Variants in AMBP observed in about 807,000 individuals in gnomAD.
AMBP encodes the protein protein AMBP.
AMBP carries 37 observed loss-of-function variants against 46.3 expected under a neutral mutation model. That is an observed-to-expected ratio of 0.80 (90% CI 0.61 to 1.05). The LOEUF (loss-of-function observed/expected upper bound fraction) is 1.05, where lower values mean the gene tolerates loss of function less well. AMBP is among the 50% of genes least tolerant of loss of function. The pLI, the probability that AMBP is intolerant of heterozygous loss-of-function variation, is 0.00. For missense variants in AMBP, 475 were observed against 461.2 expected (o/e 1.03, Z -0.27); for synonymous variants, 174 against 175.9 (o/e 0.99, Z 0.09).
At chr9:114,076,331 G>A (rs1846806462) in intron 2 of AMBP, among the ~76,000 whole-genome samples, 1 of 152,002 alleles carries the variant, frequency 6.6e-6, no homozygotes, top group African/African-American at 2.4e-5. Context: ...GGGTCCCTGG[G>A]GGGCTGAAGT....
intron 6 of AMBP, among the ~76,000 whole-genome samples, chr9:114,065,829 G>A (rs567178692): frequency 1.3e-4 from 20 of 152,218 alleles, no homozygotes; most frequent in Non-Finnish European, 2.6e-4. Flanking sequence ...TAAAGCTGAC[G>A]AAGAAGAAGC....
At chr9:114,069,807 C>T in intron 5 of AMBP, 62 bp from the exon 6 acceptor site, 1 of 1,559,704 alleles carries the variant, frequency 6.4e-7, no homozygotes, top group Non-Finnish European at 8.8e-7. Context: ...CCATCCTAGA[C>T]CCGGATTTGT....
At chr9:114,069,859 TC>T in intron 5 of AMBP, 114 bp from the exon 6 acceptor site, 1 of 1,093,598 alleles carries the variant, frequency 9.1e-7, no homozygotes, top group Non-Finnish European at 1.4e-6. Context: ...CGTGCCTTAG[TC>T]CACTTCATGA....
rs765225384 is a variant in AMBP, at chr9:114,069,707, A to G, written c.595T>C (p.Leu199=). The G allele has an allele frequency of 6.2e-7, 1 of 1,613,610 alleles. No individual in the cohort carries two copies. Among genetic ancestry groups the G allele is most frequent in the Non-Finnish European group, 8.5e-7 (1 of 1,179,982 alleles). Residue 199 remains leucine (L), a synonymous_variant, in exon 6 of 10, where the codon TTA becomes CTA. Transcript: ENST00000265132. ...VPGEQEPEPI[L]IPRVRRAVLP... ...GGGGATGAGGCACTCACCGGGATTA[A>G]GATGGGCTCTGGTTCCTGCTCCCCA...
intron 6 of AMBP, 106 bp from the exon 7 acceptor site, chr9:114,062,864 A>G (rs936221574): frequency 5.4e-6 from 6 of 1,120,834 alleles, no homozygotes; most frequent in Non-Finnish European, 8.1e-6. Context: ...GAATCAGGGT[A>G]GGTAGGAACA....
intron 5 of AMBP, among the ~76,000 whole-genome samples, chr9:114,071,997 G>T (rs575633908): frequency 6.6e-6 from 1 of 152,226 alleles, no homozygotes; most frequent in East Asian, 1.9e-4. Context: ...CCTTCATCTC[G>T]CTCACCCTAC....
chr9:114,075,723 G>A (rs1846799245), intron 2 of AMBP, among the ~76,000 whole-genome samples: 1 of 152,170 alleles, frequency 6.6e-6, no homozygotes, highest in Admixed American at 6.5e-5. Context: ...TACCACATGG[G>A]GGTAAGTGTG....
At chr9:114,061,697 T>TG in intron 7 of AMBP, 106 bp from the exon 8 acceptor site, 1 of 1,327,126 alleles carries the variant, frequency 7.5e-7, no homozygotes, top group Non-Finnish European at 1.0e-6. Context: ...CTAAAAGGAT[T>TG]ATCAATTCTT....
At position 114,074,058 on chromosome 9, in the gene AMBP, G is replaced by A; in HGVS notation, c.432C>T (p.Pro144=). The change falls in exon 4 of 10, where the codon CCC becomes CCT. Residue 144 remains proline, a synonymous_variant. Coordinates refer to ENST00000265132, the MANE Select transcript of AMBP (RefSeq NM_001633.4). ...LTKKFSRHHG[P]TITAKLYGRA... Reference sequence around the variant, plus strand: ...TACCGTAGAGCTTGGCAGTAATGGTGGGTCCATGATGGCGGCTGAATTTCT... The same window carrying A: ...TACCGTAGAGCTTGGCAGTAATGGTAGGTCCATGATGGCGGCTGAATTTCT... 6.2e-7 allele frequency: 1 copy of A among 1,614,112 alleles called. No individual in the cohort carries two copies. Among genetic ancestry groups the A allele is most frequent in the Non-Finnish European group, 8.5e-7 (1 of 1,179,998 alleles).
intron 6 of AMBP, among the ~76,000 whole-genome samples, chr9:114,064,833 C>T (rs1478470450): frequency 1.3e-5 from 2 of 152,212 alleles, no homozygotes; most frequent in East Asian, 3.8e-4. Context: ...CTGCAACCTC[C>T]AGGCCTGGTA....
chr9:114,064,474 T>G (rs1320603503), intron 6 of AMBP, among the ~76,000 whole-genome samples: 1 of 152,148 alleles, frequency 6.6e-6, no homozygotes, highest in Admixed American at 6.5e-5. Flanking sequence ...GGGAAAAATC[T>G]GAAAGGATGA....
chr9:114,074,959 CT>C lies in AMBP; in HGVS notation c.337del (p.Lys113AsnfsTer4), dbSNP rs768048043. ...CATGTGTCTCTTTCCACTCCACTTA[CT>C]GGATTTGTGATAGAGAAACTTCCCA... ...TDGKFLYHKS[K>X]WNITMESYVV... On this transcript the variant is annotated frameshift_variant and splice_region_variant, in exon 3 of 10. Coordinates refer to ENST00000265132, the MANE Select transcript of AMBP (RefSeq NM_001633.4). LOFTEE classifies it high-confidence loss of function. The C allele has an allele frequency of 1.9e-6, 3 of 1,613,716 alleles. No individual in the cohort carries two copies. In the South Asian group the frequency reaches 3.3e-5, roughly 18 times the overall value.
intron 6 of AMBP, among the ~76,000 whole-genome samples, chr9:114,068,086 G>A (rs933054126): frequency 2.0e-5 from 3 of 152,290 alleles, no homozygotes; most frequent in East Asian, 1.9e-4. Flanking sequence ...AGAAATTTTC[G>A]AAGAGTTGCC....
intron 4 of AMBP, 66 bp from the exon 5 acceptor site, chr9:114,073,092 G>A: frequency 7.0e-7 from 1 of 1,426,642 alleles, no homozygotes; most frequent in Non-Finnish European, 9.6e-7. Flanking sequence ...GGCCTGAAAT[G>A]ATTTTGCCCA....
intron 7 of AMBP, among the ~76,000 whole-genome samples, chr9:114,062,239 G>A (rs920370740): frequency 1.3e-5 from 2 of 152,198 alleles, no homozygotes; most frequent in Non-Finnish European, 2.9e-5. Flanking sequence ...GCGGAGCAGG[G>A]TTCAGTGTTT....
intron 7 of AMBP, 120 bp from the exon 8 acceptor site, chr9:114,061,711 A>C (rs4978565): frequency 0.99 from 1,232,879 of 1,244,716 alleles, 611,372 homozygotes; most frequent in East Asian, 1. Context: ...AATTCTTTTT[A>C]GATAAGCAAA....
intron 6 of AMBP, among the ~76,000 whole-genome samples, chr9:114,069,190 A>G (rs565124318): frequency 1.3e-5 from 2 of 152,302 alleles, no homozygotes; most frequent in East Asian, 3.9e-4. Context: ...TGATGTGGCA[A>G]AATGCAAGAA....
Position 114,074,128 on chromosome 9 carries a change from T to C in AMBP, c.362A>G (p.Tyr121Cys), listed in dbSNP as rs201342994. ...CTCATCATAGTTGGTGTGGACCACATAGGACTCCATGGTTATGTTCCATTC... is the reference window on the plus strand; with the variant it reads ...CTCATCATAGTTGGTGTGGACCACACAGGACTCCATGGTTATGTTCCATTC... ...KSKWNITMES[Y>C]VVHTNYDEYA... The change falls in exon 4 of 10, where the codon TAT becomes TGT. Residue 121 changes from tyrosine (Y) to cysteine (C), a missense_variant. Physicochemically the swap from Tyr to Cys is radical, Grantham distance 194. Transcript: ENST00000265132. 83 of 1,614,020 alleles carry C rather than the reference T, an allele frequency of 5.1e-5. 1 individual carries two copies. Among genetic ancestry groups the C allele is most frequent in the South Asian group, 1.9e-4 (17 of 91,076 alleles).
chr9:114,077,074 CCTGT>C (rs1487393891), intron 1 of AMBP, among the ~76,000 whole-genome samples: 2 of 152,164 alleles, frequency 1.3e-5, no homozygotes, highest in Non-Finnish European at 2.9e-5. Flanking sequence ...GAGCTGGAGT[CCTGT>C]CTTTTACTCC....
Sources: allele counts gnomAD v4.1 joint callset (sites outside exome capture counted in the v4.1 genomes callset), GRCh38; gene constraint gnomAD v4.1.1; transcripts MANE v1.5; gene names NCBI Gene and HGNC (gene_info 2026-07-23, HGNC 2026-07-21).